SLC26A5: variants seen among roughly 807,000 people sequenced by gnomAD.
SLC26A5 encodes prestin.
Under a neutral mutation model 81.0 loss-of-function variants are expected in SLC26A5, and 51 were observed. That is an observed-to-expected ratio of 0.63 (90% CI 0.50 to 0.80). SLC26A5 has a LOEUF of 0.80. Among genes scored for constraint, SLC26A5 ranks in the 30% least tolerant of loss-of-function variants. The pLI is 0.00. For synonymous variants in SLC26A5, 325 were observed against 332.8 expected, an observed-to-expected ratio of 0.98 and a Z score of 0.25; for missense variants, 771 against 905.8, an observed-to-expected ratio of 0.85 and a Z score of 1.91.
At chr7:103,353,432 G>C (rs1163280622) in intron 19 of SLC26A5, among the ~76,000 whole-genome samples, 1 of 152,096 alleles carries the variant, frequency 6.6e-6, no homozygotes, top group Non-Finnish European at 1.5e-5. Flanking sequence ...TCAGCCTCCT[G>C]AGTAGCTGGG....
At chr7:103,409,871 CTAATTTTTTTCTATTTT>C (rs1824343535) in intron 7 of SLC26A5, among the ~76,000 whole-genome samples, 1 of 152,054 alleles carries the variant, frequency 6.6e-6, no homozygotes, top group African/African-American at 2.4e-5. Flanking sequence ...CCACACCTGG[CTAATTTTTTTCTATTTT>C]TAGTAGAGAC....
intron 4 of SLC26A5, among the ~76,000 whole-genome samples, chr7:103,419,480 C>T (rs889313986): frequency 6.6e-6 from 1 of 151,984 alleles, no homozygotes; most frequent in African/African-American, 2.4e-5. Flanking sequence ...GCCTGAAATG[C>T]ATTTTCTCTC....
At position 103,420,813 on chromosome 7, in the gene SLC26A5, C is replaced by T; in HGVS notation, c.217G>A (p.Ala73Thr). The stretch of plus-strand genomic sequence containing the variant: ...AACACATATTCCTTGAATTTGTATG[C>T]TGGCAGCCATTTAGTTATGGGTAGG... ...MFLPITKWLPAYKFKEYVLGD... is the reference protein window; with the variant it reads ...MFLPITKWLPTYKFKEYVLGD... Residue 73 changes from alanine to threonine, a missense_variant, in exon 4 of 20, where the codon GCA (alanine) becomes ACA (threonine). Ala to Thr is a moderately conservative substitution (Grantham distance 58, BLOSUM62 0). Transcript: ENST00000306312. 1.2e-6 allele frequency: 2 copies of T among 1,613,762 alleles called. No individual in the cohort carries two copies. Among genetic ancestry groups the T allele is most frequent in the Non-Finnish European group, 1.7e-6 (2 of 1,179,674 alleles).
chr7:103,424,145 A>G (rs1051429712), intron 2 of SLC26A5, among the ~76,000 whole-genome samples: 1 of 151,998 alleles, frequency 6.6e-6, no homozygotes, highest in Non-Finnish European at 1.5e-5. Flanking sequence ...ATTCATTCTA[A>G]TAAGAGATGT....
intron 19 of SLC26A5, among the ~76,000 whole-genome samples, chr7:103,356,174 AACT>A (rs2116165564): frequency 1.3e-5 from 2 of 151,934 alleles, no homozygotes; most frequent in African/African-American, 4.8e-5. Flanking sequence ...TTTTAGATAT[AACT>A]ACATGTTTTG....
intron 4 of SLC26A5, among the ~76,000 whole-genome samples, chr7:103,415,116 T>C (rs146643458): frequency 2.3e-3 from 353 of 152,318 alleles, no homozygotes; most frequent in African/African-American, 8.2e-3. Context: ...AGAAAACTCA[T>C]TTAATGCACT....
chr7:103,381,226 C>A (rs1375984674), intron 14 of SLC26A5, among the ~76,000 whole-genome samples: 2 of 151,188 alleles, frequency 1.3e-5, no homozygotes, highest in East Asian at 3.9e-4. Context: ...ATACACACTC[C>A]CACACACATA....
Position 103,353,835 on chromosome 7 carries a change from G to C in SLC26A5, c.2042-909C>G, listed in dbSNP as rs554411468. The C allele has an allele frequency of 8.7e-6, 10 of 1,150,936 alleles. No individual in the cohort carries two copies. The African/African-American group carries it at 1.6e-4, about 18-fold the overall frequency. 71.3% of individuals were successfully genotyped at this position (1,150,936 alleles called of 1,614,324 possible). On this transcript the variant is annotated intron_variant, in intron 19 of 19. Coordinates refer to the SLC26A5 transcript ENST00000339444. ...ACACTCACTTAAAACAATTTGAATC[G>C]AACAGAAAAAAAGCTCTAGTTTCTT...
At chr7:103,428,191 A>AT (rs1360304929) in intron 2 of SLC26A5, among the ~76,000 whole-genome samples, 2 of 152,092 alleles carry the variant, frequency 1.3e-5, no homozygotes, top group East Asian at 3.9e-4. Context: ...TAGAATCTGT[A>AT]TTTTTTTAAA....
intron 2 of SLC26A5, chr7:103,435,101 C>T (rs183678178): frequency 2.8e-4 from 43 of 152,268 alleles, no homozygotes; most frequent in African/African-American, 1.0e-3. Context: ...GAAGAATTTC[C>T]ATTATTAGCC....
At chr7:103,391,930 A>C (rs1822695327) in intron 10 of SLC26A5, among the ~76,000 whole-genome samples, 195 bp from the exon 11 acceptor site, 1 of 152,210 alleles carries the variant, frequency 6.6e-6, no homozygotes, top group Non-Finnish European at 1.5e-5. Context: ...GAACATTTTG[A>C]ATTTTTATTT....
At chr7:103,379,482 CCA>C in intron 15 of SLC26A5, 147 bp from the exon 16 acceptor site, 14 of 394,774 alleles carry the variant, frequency 3.5e-5, no homozygotes, top group South Asian at 3.3e-4. Flanking sequence ...CACACACAGA[CCA>C]AAAAAAAAAA....
intron 9 of SLC26A5, among the ~76,000 whole-genome samples, chr7:103,394,025 A>T (rs928406281): frequency 3.9e-5 from 6 of 152,324 alleles, no homozygotes; most frequent in African/African-American, 1.4e-4. Flanking sequence ...AGATGAAGAA[A>T]ATGAGGTATA....
At chr7:103,391,560 A>C (rs1033532702) in intron 11 of SLC26A5, 62 bp downstream of exon 11, 3 of 1,383,192 alleles carry the variant, frequency 2.2e-6, no homozygotes, top group Non-Finnish European at 3.1e-6. Context: ...GAATATAATC[A>C]AAAGATTAAA....
chr7:103,436,571 G>A (rs1309207383), intron 2 of SLC26A5, among the ~76,000 whole-genome samples: 2 of 152,188 alleles, frequency 1.3e-5, no homozygotes, highest in Non-Finnish European at 2.9e-5. Context: ...GGTAGTTAAT[G>A]AAAATGACAG....
rs192735186 is a variant in SLC26A5 at position 103,383,286 on chromosome 7, C to T, written c.1515-2737G>A. On this transcript the variant is annotated intron_variant, in intron 14 of 19. Coordinates refer to ENST00000306312, the MANE Select transcript of SLC26A5 (RefSeq NM_198999.3). ...GGGATGGGCACATGGATCACAAGTA[C>T]AGGAGTAGCTGAGATGGACACACGC... is the stretch of plus-strand genomic sequence containing the variant. 1.6e-4 allele frequency among the ~76,000 whole-genome samples: 25 copies of T among 152,294 alleles called. No individual in the cohort carries two copies. In the East Asian group the frequency reaches 4.4e-3, roughly 27 times the overall value.
In SLC26A5 at chr7:103,391,667, G is replaced by C. The variant is rs750221899; in HGVS notation, c.1188C>G (p.Ser396=). The part of the protein sequence containing the change: ...SLFQTFSISC[S]LSRSLVQEGT... ...CCTCCTGAACAAGGCTTCGAGACAAGGAGCATGAAATTGAAAAGGTCTGGA... is the reference window on the plus strand; with the variant it reads ...CCTCCTGAACAAGGCTTCGAGACAACGAGCATGAAATTGAAAAGGTCTGGA... Residue 396 remains serine, a synonymous_variant, in exon 11 of 20, where the codon TCC becomes TCG. Transcript: ENST00000306312. The C allele has an allele frequency of 8.7e-6, 14 of 1,614,034 alleles. No homozygotes were observed. Among genetic ancestry groups the C allele is most frequent in the African/African-American group, 1.3e-5 (1 of 74,924 alleles).
At chr7:103,419,609 C>T (rs1825179021) in intron 4 of SLC26A5, among the ~76,000 whole-genome samples, 1 of 151,860 alleles carries the variant, frequency 6.6e-6, no homozygotes, top group Admixed American at 6.6e-5. Flanking sequence ...ACGATCTCAG[C>T]TCACCGCAAC....
chr7:103,366,195 G>A, intron 19 of SLC26A5: 3 of 1,555,538 alleles, frequency 1.9e-6, no homozygotes, highest in Non-Finnish European at 2.7e-6. Flanking sequence ...ACTGCTTTAG[G>A]ATTCAGTTTC....
Sources: gnomAD v4.1 joint callset for allele counts (sites outside exome capture counted in the v4.1 genomes callset) on GRCh38, gnomAD v4.1.1 for gene constraint, MANE v1.5 for transcripts, NCBI Gene and HGNC (gene_info 2026-07-23, HGNC 2026-07-21) for gene names.